The following FREM1 variants were observed in gnomAD, a reference collection of about 807,000 sequenced individuals.
FREM1 encodes the protein FRAS1 related extracellular matrix 1.
Under a neutral mutation model 210.1 loss-of-function variants are expected in FREM1, and 220 were observed. The observed-to-expected ratio is 1.05, with a 90% CI of 0.94 to 1.17. The LOEUF (loss-of-function observed/expected upper bound fraction) is 1.17, where lower values mean the gene tolerates loss of function less well. Among genes scored for constraint, FREM1 ranks in the 50% most tolerant of loss-of-function variants. FREM1 has a pLI of 0.00. For synonymous variants in FREM1, 1,189 were observed against 980.2 expected (o/e 1.21, Z -3.98); for missense variants, 3,454 against 2,675.5 (o/e 1.29, Z -6.42).
chr9:14,856,124 G>A (rs1024832129), intron 5 of FREM1, among the ~76,000 whole-genome samples: 19 of 152,072 alleles, frequency 1.2e-4, no homozygotes, highest in African/African-American at 4.3e-4. Flanking sequence ...GTGCTACTAT[G>A]TGCCAGGTTT....
In FREM1 at chr9:14,775,827, C is replaced by T. The variant is rs566501527; in HGVS notation, c.4819G>A (p.Gly1607Arg). Residue 1607 changes from glycine to arginine, a missense_variant, in exon 25 of 37, where the codon GGG (glycine) becomes AGG (arginine). Gly to Arg is a moderately radical substitution (Grantham distance 125). Coordinates refer to ENST00000380880, the MANE Select transcript of FREM1 (RefSeq NM_001379081.2). ...DGTNQGFIVN[G>R]RVWEEPVLFT... ...AAAACAGGTTCTTCCCACACTCTCC[C>T]ATTCACAATAAAGCCTTGGTTTGTC... is the stretch of plus-strand genomic sequence containing the variant. 1 of 1,613,692 alleles carries T rather than the reference C, an allele frequency of 6.2e-7. No homozygotes were observed. The highest frequency in any genetic ancestry group is 8.5e-7 in the Non-Finnish European group (1 of 1,179,624).
At chr9:14,824,417 C>G (rs1821957071) in intron 11 of FREM1, among the ~76,000 whole-genome samples, 1 of 152,182 alleles carries the variant, frequency 6.6e-6, no homozygotes, top group Non-Finnish European at 1.5e-5. Flanking sequence ...AACGTATATT[C>G]ATGCCATTTT....
intron 20 of FREM1, among the ~76,000 whole-genome samples, chr9:14,800,535 T>C (rs973284206): frequency 1.3e-5 from 2 of 152,256 alleles, no homozygotes; most frequent in Non-Finnish European, 2.9e-5. Flanking sequence ...ATGAGCATTA[T>C]TATATGTGGT....
intron 8 of FREM1, among the ~76,000 whole-genome samples, chr9:14,843,490 G>C (rs1193370950): frequency 1.2e-5 from 1 of 84,500 alleles, no homozygotes; most frequent in Non-Finnish European, 2.3e-5. Flanking sequence ...TCACCTCATA[G>C]ATAGATAGGT....
intron 18 of FREM1, among the ~76,000 whole-genome samples, chr9:14,805,565 C>T (rs578006882): frequency 4.6e-4 from 70 of 152,332 alleles, no homozygotes; most frequent in African/African-American, 1.6e-3. Context: ...AATCATCTGC[C>T]TACTTGAAGA....
intron 24 of FREM1, among the ~76,000 whole-genome samples, chr9:14,777,501 G>C (rs1848816871): frequency 6.6e-6 from 1 of 152,040 alleles, no homozygotes; most frequent in South Asian, 2.1e-4. Flanking sequence ...TACCATAGTT[G>C]CTGGAAATAT....
At chr9:14,814,507 G>C (rs1291828050) in intron 15 of FREM1, among the ~76,000 whole-genome samples, 6 of 152,180 alleles carry the variant, frequency 3.9e-5, no homozygotes, top group African/African-American at 1.4e-4. Flanking sequence ...GAAATTTAAT[G>C]GATAGAGGAA....
At chr9:14,820,465 T>C (rs1192527297) in intron 13 of FREM1, among the ~76,000 whole-genome samples, 2 of 152,078 alleles carry the variant, frequency 1.3e-5, no homozygotes, top group African/African-American at 4.8e-5. Context: ...GCAGGGAGGA[T>C]GTTCCCTGAA....
chr9:14,819,200 G>T (rs745769553), intron 14 of FREM1, 34 bp downstream of exon 14: 2 of 1,457,558 alleles, frequency 1.4e-6, no homozygotes, highest in Non-Finnish European at 1.9e-6. Context: ...AGAAACTAAA[G>T]CATGTAAATA....
chr9:14,848,002 G>A (rs986802112), intron 7 of FREM1, among the ~76,000 whole-genome samples: 29 of 152,104 alleles, frequency 1.9e-4, no homozygotes, highest in African/African-American at 6.5e-4. Context: ...GTACACACAC[G>A]AGGCAGCTCG....
chr9:14,897,095 A>G (rs534214393), intron 1 of FREM1, among the ~76,000 whole-genome samples: 4 of 152,366 alleles, frequency 2.6e-5, no homozygotes, highest in African/African-American at 7.2e-5. Flanking sequence ...CCTAAGTTAC[A>G]GTATATGAAA....
chr9:14,816,037 T>C (rs531649457), intron 15 of FREM1, among the ~76,000 whole-genome samples: 8 of 152,164 alleles, frequency 5.3e-5, no homozygotes, highest in African/African-American at 1.7e-4. Context: ...GTACAGGAAC[T>C]CACAAAGAGG....
rs143953239 is a variant in FREM1 at position 14,883,828 on chromosome 9, A to T, written c.-267-14584T>A. 3.8e-3 allele frequency among the ~76,000 whole-genome samples: 580 copies of T among 152,312 alleles called. 4 individuals are homozygous for T. Among genetic ancestry groups the T allele is most frequent in the African/African-American group, 0.013 (557 of 41,568 alleles). On this transcript the variant is annotated intron_variant, in intron 1 of 36. Transcript: ENST00000380880. ...ATCCATCTGTCCACAGCTTGCTCTG[A>T]TTGCTAGTATGGGCACCCTCAGGGT...
intron 24 of FREM1, chr9:14,779,357 C>A (rs756396887): frequency 2.6e-5 from 8 of 308,370 alleles, no homozygotes; most frequent in Non-Finnish European, 3.8e-5. Flanking sequence ...AATTGTAGAG[C>A]TATAGACATT....
chr9:14,877,189 C>T (rs546372913), intron 1 of FREM1, among the ~76,000 whole-genome samples: 2 of 152,214 alleles, frequency 1.3e-5, no homozygotes, highest in South Asian at 4.2e-4. Flanking sequence ...TTAAATACCA[C>T]CTATGTGCTA....
In FREM1 at chr9:14,806,843, G is replaced by A. The variant is rs1260192497; in HGVS notation, c.3092C>T (p.Pro1031Leu). The A allele has an allele frequency of 1.3e-6, 2 of 1,589,410 alleles. No individual in the cohort carries two copies. The highest frequency in any genetic ancestry group is 1.3e-5 in the African/African-American group (1 of 74,266). ...DNQPPSIAIG[P>L]VFVVDEGCST... ...GCAGCCCTCATCTACAACAAACACG[G>A]GACCTGCATACAAATAAAAACACAA... The change falls in exon 18 of 37, where the codon CCC becomes CTC. Residue 1031 changes from proline (P) to leucine (L), a missense_variant. By Grantham distance (98) the Pro-to-Leu change is moderately conservative. Transcript: ENST00000380880.
At chr9:14,763,451 T>C (rs1452385965) in intron 27 of FREM1, among the ~76,000 whole-genome samples, 2 of 152,084 alleles carry the variant, frequency 1.3e-5, no homozygotes, top group African/African-American at 4.8e-5. Flanking sequence ...GCCGAGATCA[T>C]GCCACTGCAC....
At chr9:14,853,189 GA>G (rs961121643) in intron 5 of FREM1, among the ~76,000 whole-genome samples, 1 of 152,156 alleles carries the variant, frequency 6.6e-6, no homozygotes. Flanking sequence ...CATATCTGAG[GA>G]AGCTAACTGG....
intron 10 of FREM1, among the ~76,000 whole-genome samples, chr9:14,828,299 C>T (rs1157607606): frequency 6.6e-6 from 1 of 152,212 alleles, no homozygotes; most frequent in Non-Finnish European, 1.5e-5. Context: ...ATTCACAAGC[C>T]TCAAGACTTA....
Sources: gnomAD v4.1 joint callset for allele counts (sites outside exome capture counted in the v4.1 genomes callset) on GRCh38, gnomAD v4.1.1 for gene constraint, MANE v1.5 for transcripts, NCBI Gene and HGNC (gene_info 2026-07-23, HGNC 2026-07-21) for gene names.